The following OPCML variants were observed in gnomAD, a reference collection of about 807,000 sequenced individuals.
The protein encoded by OPCML is opioid binding protein/cell adhesion molecule like.
Under a neutral mutation model 37.8 loss-of-function variants are expected in OPCML, and 13 were observed. The observed-to-expected ratio is 0.34, with a 90% CI of 0.22 to 0.55. The LOEUF (loss-of-function observed/expected upper bound fraction) is 0.55. OPCML is among the 20% of genes least tolerant of loss of function. OPCML has a pLI of 0.91. For synonymous variants in OPCML, 176 were observed against 168.8 expected (o/e 1.04, Z -0.33); for missense variants, 341 against 435.6 (o/e 0.78, Z 1.93).
intron 2 of OPCML, among the ~76,000 whole-genome samples, chr11:132,673,102 C>T (rs1426019470): frequency 6.6e-6 from 1 of 152,118 alleles, no homozygotes; most frequent in African/African-American, 2.4e-5. Context: ...ATGCTACACA[C>T]CTTATTTGGT....
At chr11:132,928,093 T>C (rs4622277) in intron 2 of OPCML, among the ~76,000 whole-genome samples, 19,172 of 151,870 alleles carry the variant, frequency 0.13, 1,389 homozygotes, top group East Asian at 0.34. Flanking sequence ...AGAAAAAATA[T>C]ATAACAAAAC....
intron 3 of OPCML, among the ~76,000 whole-genome samples, chr11:132,613,815 G>A (rs1938816420): frequency 6.6e-6 from 1 of 152,094 alleles, no homozygotes; most frequent in Non-Finnish European, 1.5e-5. Flanking sequence ...ATGGTTGCTG[G>A]TGAAATTTCT....
chr11:132,835,004 A>G, intron 2 of OPCML, among the ~76,000 whole-genome samples: 1 of 142,184 alleles, frequency 7.0e-6, no homozygotes, highest in East Asian at 2.0e-4. Flanking sequence ...AAAAAAAAAA[A>G]CATGGAAAGG....
At chr11:132,705,849 C>A (rs1944011801) in intron 2 of OPCML, among the ~76,000 whole-genome samples, 1 of 152,076 alleles carries the variant, frequency 6.6e-6, no homozygotes, top group African/African-American at 2.4e-5. Context: ...ACTCTGTCAC[C>A]CAGGATGGAG....
chr11:133,355,249 G>A (rs1188576515), intron 1 of OPCML, among the ~76,000 whole-genome samples: 1 of 152,170 alleles, frequency 6.6e-6, no homozygotes, highest in Admixed American at 6.5e-5. Flanking sequence ...TTTTCTAATT[G>A]ACTGAACAAA....
chr11:132,577,255 G>A (rs997668558), intron 3 of OPCML, among the ~76,000 whole-genome samples: 6 of 152,114 alleles, frequency 3.9e-5, no homozygotes, highest in Non-Finnish European at 7.4e-5. Flanking sequence ...CCTCTATCTT[G>A]CTGATGTCAC....
At chr11:133,356,285 G>A (rs1944288239) in intron 1 of OPCML, among the ~76,000 whole-genome samples, 1 of 152,172 alleles carries the variant, frequency 6.6e-6, no homozygotes, top group Non-Finnish European at 1.5e-5. Flanking sequence ...ATAGGTGAAG[G>A]ATGTTTTCTA....
chr11:132,870,578 C>A (rs1004152548), intron 2 of OPCML, among the ~76,000 whole-genome samples: 1 of 152,132 alleles, frequency 6.6e-6, no homozygotes, highest in Non-Finnish European at 1.5e-5. Flanking sequence ...TGAAATCAGA[C>A]TGTCGAAGAG....
At chr11:132,791,165 C>T (rs551019470) in intron 2 of OPCML, among the ~76,000 whole-genome samples, 2 of 152,132 alleles carry the variant, frequency 1.3e-5, no homozygotes, top group Admixed American at 6.5e-5. Context: ...CCAGGAAAAG[C>T]GGAGCTCAGC....
At chr11:132,883,098 G>A (rs1278164949) in intron 2 of OPCML, among the ~76,000 whole-genome samples, 1 of 152,154 alleles carries the variant, frequency 6.6e-6, no homozygotes, top group Non-Finnish European at 1.5e-5. Flanking sequence ...GAGGGGCAAG[G>A]TACTCCCGGA....
chr11:132,960,483 G>A (rs1946068654), intron 1 of OPCML, among the ~76,000 whole-genome samples: 1 of 152,170 alleles, frequency 6.6e-6, no homozygotes, highest in African/African-American at 2.4e-5. Flanking sequence ...ACAGAAACCG[G>A]AGGCAAGGCA....
intron 4 of OPCML, among the ~76,000 whole-genome samples, chr11:132,511,801 GA>G (rs1191801493): frequency 4.9e-5 from 7 of 143,914 alleles, no homozygotes; most frequent in East Asian, 2.0e-4. Flanking sequence ...AAAACATCTA[GA>G]AAAAAAACAT....
chr11:133,322,152 A>G (rs1397957740), intron 1 of OPCML, among the ~76,000 whole-genome samples: 2 of 152,198 alleles, frequency 1.3e-5, no homozygotes, highest in Non-Finnish European at 2.9e-5. Flanking sequence ...ATAGGCTGCA[A>G]CCTATGGTCT....
chr11:133,248,843 A>G (rs748795191), intron 1 of OPCML, among the ~76,000 whole-genome samples: 3 of 152,284 alleles, frequency 2.0e-5, no homozygotes, highest in African/African-American at 4.8e-5. Flanking sequence ...AAGTATTTTC[A>G]TGTTCCAGTG....
chr11:132,852,180 T>A (rs1213205628), intron 2 of OPCML, among the ~76,000 whole-genome samples: 1 of 152,210 alleles, frequency 6.6e-6, no homozygotes, highest in Non-Finnish European at 1.5e-5. Flanking sequence ...TGCAGTTGCC[T>A]TTCTTTGCTC....
chr11:133,485,370 G>T (rs76023785), intron 1 of OPCML, among the ~76,000 whole-genome samples: 1 of 152,060 alleles, frequency 6.6e-6, no homozygotes, highest in East Asian at 1.9e-4. Flanking sequence ...AAATTATGGA[G>T]GAATTTTTTT....
At chr11:133,267,311 T>C (rs1261360872) in intron 1 of OPCML, among the ~76,000 whole-genome samples, 1 of 152,186 alleles carries the variant, frequency 6.6e-6, no homozygotes, top group Non-Finnish European at 1.5e-5. Flanking sequence ...TTTTTATCGA[T>C]GGTGTAAAAT....
intron 1 of OPCML, among the ~76,000 whole-genome samples, chr11:133,426,678 A>AAGAACACAC (rs1383251072): frequency 2.0e-5 from 3 of 152,172 alleles, no homozygotes; most frequent in African/African-American, 7.2e-5. Flanking sequence ...GTCATCAGGA[A>AAGAACACAC]AGAAACACAG....
At chr11:133,391,051 T>C (rs1945163723) in intron 1 of OPCML, among the ~76,000 whole-genome samples, 1 of 152,090 alleles carries the variant, frequency 6.6e-6, no homozygotes, top group Non-Finnish European at 1.5e-5. Flanking sequence ...CAGAGGAAGA[T>C]TTACCCACCT....
Sources: allele counts gnomAD v4.1 joint callset (sites outside exome capture counted in the v4.1 genomes callset), GRCh38; gene constraint gnomAD v4.1.1; transcripts MANE v1.5; gene names NCBI Gene and HGNC (gene_info 2026-07-23, HGNC 2026-07-21).